RAP1GDS1: variants seen among roughly 807,000 people sequenced by gnomAD.
The protein encoded by RAP1GDS1 is Rap1 GTPase-GDP dissociation stimulator 1.
A neutral mutation model predicts 71.1 loss-of-function variants in RAP1GDS1; 35 were observed. That is an observed-to-expected ratio of 0.49 (90% confidence interval 0.38 to 0.65). RAP1GDS1 has a LOEUF of 0.65. RAP1GDS1 is among the 30% of genes least tolerant of loss of function. RAP1GDS1 has a pLI of 0.00. For missense variants in RAP1GDS1, 663 were observed against 706.1 expected, an observed-to-expected ratio of 0.94 and a Z score of 0.69; for synonymous variants, 229 against 243.1, an observed-to-expected ratio of 0.94 and a Z score of 0.54.
chr4:98,441,949 C>T, intron 14 of RAP1GDS1, 41 bp from the exon 15 acceptor site: 1 of 1,604,512 alleles, frequency 6.2e-7, no homozygotes, highest in Non-Finnish European at 8.5e-7. Context: ...AGACTTAGAA[C>T]AACCTAACAG....
chr4:98,318,507 T>G (rs1731282229), intron 2 of RAP1GDS1, among the ~76,000 whole-genome samples: 1 of 152,246 alleles, frequency 6.6e-6, no homozygotes, highest in Non-Finnish European at 1.5e-5. Flanking sequence ...AAATACTTTA[T>G]TGTACTGTAC....
At chr4:98,432,188 T>C (rs1028696050) in intron 12 of RAP1GDS1, among the ~76,000 whole-genome samples, 1 of 152,204 alleles carries the variant, frequency 6.6e-6, no homozygotes, top group Non-Finnish European at 1.5e-5. Flanking sequence ...AAAGTATACC[T>C]GGCCAAAGAG....
chr4:98,296,266 A>G (rs1727735542), intron 2 of RAP1GDS1, among the ~76,000 whole-genome samples: 1 of 152,114 alleles, frequency 6.6e-6, no homozygotes. Flanking sequence ...TATCTCTGAA[A>G]GGAACAAAAT....
At chr4:98,431,154 G>C (rs1750343541) in intron 12 of RAP1GDS1, among the ~76,000 whole-genome samples, 1 of 152,092 alleles carries the variant, frequency 6.6e-6, no homozygotes, top group Non-Finnish European at 1.5e-5. Flanking sequence ...CAGTTACCAG[G>C]CTAAAAACTT....
At chr4:98,395,113 A>C (rs917789244) in intron 6 of RAP1GDS1, among the ~76,000 whole-genome samples, 1 of 152,168 alleles carries the variant, frequency 6.6e-6, no homozygotes, top group African/African-American at 2.4e-5. Context: ...TTAGAGAAAA[A>C]TAATTCTTGA....
intron 2 of RAP1GDS1, among the ~76,000 whole-genome samples, chr4:98,309,299 TA>T (rs1179006384): frequency 1.3e-5 from 2 of 152,062 alleles, no homozygotes; most frequent in African/African-American, 2.4e-5. Flanking sequence ...AAGAATTTTG[TA>T]TGAATCTTAA....
intron 13 of RAP1GDS1, among the ~76,000 whole-genome samples, chr4:98,435,157 T>A (rs1293781225): frequency 6.6e-6 from 1 of 152,186 alleles, no homozygotes. Context: ...TAAATACTGT[T>A]AACTGATAGC....
chr4:98,349,934 C>G (rs916285304), intron 3 of RAP1GDS1, among the ~76,000 whole-genome samples: 2 of 151,974 alleles, frequency 1.3e-5, no homozygotes, highest in African/African-American at 4.8e-5. Flanking sequence ...AGTAAATTAG[C>G]TGAAAAGCAA....
At chr4:98,338,941 G>A (rs925984869) in intron 2 of RAP1GDS1, among the ~76,000 whole-genome samples, 31 of 152,044 alleles carry the variant, frequency 2.0e-4, no homozygotes, top group African/African-American at 7.5e-4. Flanking sequence ...TGTTTACTTG[G>A]CAGCTTTGTT....
chr4:98,432,786 T>A (rs1172216109), intron 12 of RAP1GDS1, among the ~76,000 whole-genome samples: 1 of 152,180 alleles, frequency 6.6e-6, no homozygotes, highest in Non-Finnish European at 1.5e-5. Context: ...AAATTATTTT[T>A]AAAATATTAT....
At chr4:98,364,558 A>C (rs1178704580) in intron 4 of RAP1GDS1, among the ~76,000 whole-genome samples, 2 of 152,180 alleles carry the variant, frequency 1.3e-5, no homozygotes, top group South Asian at 4.2e-4. Flanking sequence ...AGGTTTTGGA[A>C]TATGTTTTAA....
intron 6 of RAP1GDS1, chr4:98,396,742 C>G (rs1338443013): frequency 6.6e-6 from 1 of 152,148 alleles, no homozygotes; most frequent in African/African-American, 2.4e-5. Flanking sequence ...TAATGTTTCT[C>G]CTTTCAGAGT....
intron 2 of RAP1GDS1, among the ~76,000 whole-genome samples, chr4:98,323,286 T>C (rs1732304187): frequency 6.8e-6 from 1 of 147,138 alleles, no homozygotes; most frequent in East Asian, 2.0e-4. Context: ...ATCAATAGTT[T>C]ACCAACCAAA....
intron 4 of RAP1GDS1, among the ~76,000 whole-genome samples, chr4:98,356,521 A>G (rs968740610): frequency 6.6e-6 from 1 of 152,082 alleles, no homozygotes; most frequent in African/African-American, 2.4e-5. Context: ...TACTTGATCT[A>G]CTGGTTAAAA....
chr4:98,319,886 T>G (rs987110466), intron 2 of RAP1GDS1, among the ~76,000 whole-genome samples: 8 of 151,984 alleles, frequency 5.3e-5, no homozygotes, highest in Admixed American at 4.6e-4. Flanking sequence ...CTGCCTCTCC[T>G]TCCGTCTTCT....
chr4:98,319,962 C>G (rs926719500), intron 2 of RAP1GDS1, among the ~76,000 whole-genome samples: 2 of 152,140 alleles, frequency 1.3e-5, no homozygotes, highest in Non-Finnish European at 2.9e-5. Flanking sequence ...TCTTCCTCCA[C>G]AGCCTACTCA....
At chr4:98,403,543 TG>T (rs1745722610) in intron 6 of RAP1GDS1, among the ~76,000 whole-genome samples, 1 of 152,130 alleles carries the variant, frequency 6.6e-6, no homozygotes, top group African/African-American at 2.4e-5. Flanking sequence ...GAGTTTAGAA[TG>T]CTAGAGAGAT....
intron 4 of RAP1GDS1, among the ~76,000 whole-genome samples, chr4:98,358,489 G>A (rs1034961042): frequency 6.6e-6 from 1 of 151,982 alleles, no homozygotes; most frequent in Non-Finnish European, 1.5e-5. Context: ...ATATTTCCTA[G>A]TTTAGTTTAA....
chr4:98,422,698 T>C (rs2110196413), intron 12 of RAP1GDS1, among the ~76,000 whole-genome samples: 1 of 152,344 alleles, frequency 6.6e-6, no homozygotes, highest in African/African-American at 2.4e-5. Context: ...TGTATAAATC[T>C]CTTTCATATA....
Sources: allele counts gnomAD v4.1 joint callset (sites outside exome capture counted in the v4.1 genomes callset), GRCh38; gene constraint gnomAD v4.1.1; transcripts MANE v1.5; gene names NCBI Gene and HGNC (gene_info 2026-07-23, HGNC 2026-07-21).